Variants in EFCAB8 observed in about 807,000 individuals in gnomAD.
EFCAB8 encodes the protein EF-hand calcium binding domain 8.
A neutral mutation model predicts 116.3 loss-of-function variants in EFCAB8; 100 were observed. The observed-to-expected ratio is 0.86, with a 90% confidence interval of 0.73 to 1.02. EFCAB8 has a LOEUF of 1.02. EFCAB8 is among the 50% of genes least tolerant of loss of function. The pLI is 0.00. For missense variants in EFCAB8, 1,320 were observed against 1,416.9 expected (o/e 0.93, Z 1.10); for synonymous variants, 558 against 567.9 (o/e 0.98, Z 0.25).
At position 32,878,733 on chromosome 20, in the gene EFCAB8, G is replaced by A; in HGVS notation, c.357G>A (p.Glu119=). Reference sequence around the variant, plus strand: ...AGTATGTGGATTACATGATGCGTGAGTTCCAGGGAAAAGAGGACATGCGAA... The same window carrying A: ...AGTATGTGGATTACATGATGCGTGAATTCCAGGGAAAAGAGGACATGCGAA... ...WQKYVDYMMR[E]FQGKEDMRKS... is the part of the protein sequence containing the mutation. The change falls in exon 5 of 27, where the codon GAG becomes GAA. Residue 119 remains glutamate (E), a synonymous_variant. Transcript: ENST00000400522. 1 of 1,551,944 alleles carries A rather than the reference G, an allele frequency of 6.4e-7. No individual in the cohort carries two copies. The highest frequency in any genetic ancestry group is 1.2e-5 in the South Asian group (1 of 84,066).
At chr20:32,960,265 T>A in intron 26 of EFCAB8, 104 bp downstream of exon 26, 1 of 1,052,974 alleles carries the variant, frequency 9.5e-7, no homozygotes, top group Non-Finnish European at 1.4e-6. Context: ...TCAGTGAGGG[T>A]GGACAGGAGC....
intron 3 of EFCAB8, among the ~76,000 whole-genome samples, chr20:32,873,810 C>CAAA (rs397865341): frequency 5.8e-5 from 8 of 138,680 alleles, no homozygotes; most frequent in East Asian, 2.3e-4. Flanking sequence ...AGACTCTGTC[C>CAAA]AAAAAAAAAA....
At chr20:32,948,434 T>C (rs1188139338) in intron 23 of EFCAB8, among the ~76,000 whole-genome samples, 1 of 151,686 alleles carries the variant, frequency 6.6e-6, no homozygotes, top group South Asian at 2.1e-4. Flanking sequence ...ACAGAAACTC[T>C]TCCAGAAAGT....
intron 20 of EFCAB8, among the ~76,000 whole-genome samples, chr20:32,926,680 T>G: frequency 8.1e-6 from 1 of 123,586 alleles, no homozygotes; most frequent in African/African-American, 3.1e-5. Context: ...CCCACAACAG[T>G]CCCCAGAGTG....
In EFCAB8 at chr20:32,875,928, C is replaced by G. The variant is rs564179694; in HGVS notation, c.211C>G (p.Leu71Val). ...TGCTCTCTGTTCTCTCTTTGAAGCC[C>G]TGGGCATGGACGCCTTCATCAAGGC... Reference protein sequence around the residue: ...FEEDINSTGALGMDAFIKAMK... With the variant: ...FEEDINSTGAVGMDAFIKAMK... The change falls in exon 4 of 27, where the codon CTG becomes GTG. Residue 71 changes from leucine to valine, a missense_variant and splice_region_variant. By Grantham distance (32) the Leu-to-Val change is conservative (BLOSUM62 1). Coordinates refer to ENST00000400522, the MANE Select transcript of EFCAB8 (RefSeq NM_001143967.2). The G allele has an allele frequency of 2.5e-5, 39 of 1,551,688 alleles. No individual in the cohort carries two copies. The highest frequency in any genetic ancestry group is 3.3e-5 in the Non-Finnish European group (38 of 1,146,906).
At chr20:32,908,731 C>T (rs982795739) in intron 14 of EFCAB8, among the ~76,000 whole-genome samples, 8 of 152,222 alleles carry the variant, frequency 5.3e-5, no homozygotes, top group African/African-American at 1.9e-4. Context: ...TTTTCTTGGC[C>T]CCGTTCCTTG....
Position 32,920,160 on chromosome 20 carries a change from G to A in EFCAB8, c.2357G>A (p.Arg786Lys), listed in dbSNP as rs1987381025. The change falls in exon 20 of 27, where the codon AGA becomes AAA. Residue 786 changes from arginine to lysine, a missense_variant. Coordinates refer to ENST00000400522, the MANE Select transcript of EFCAB8 (RefSeq NM_001143967.2). Reference protein sequence around the residue: ...KQSIYKEDETRKGEWQKNMLV... With the variant: ...KQSIYKEDETKKGEWQKNMLV... ...TCCATTTACAAAGAGGATGAAACGA[G>A]AAAAGGAGAATGGCAGAAGAATATG... is the stretch of plus-strand genomic sequence containing the variant. 2 of 1,551,744 alleles carry A rather than the reference G, an allele frequency of 1.3e-6. No homozygotes were observed. Among genetic ancestry groups the A allele is most frequent in the African/African-American group, 1.4e-5 (1 of 73,174 alleles).
chr20:32,932,435 A>G (rs949106518), intron 22 of EFCAB8, among the ~76,000 whole-genome samples: 1 of 152,214 alleles, frequency 6.6e-6, no homozygotes, highest in East Asian at 1.9e-4. Flanking sequence ...TATATCATAC[A>G]TCAATGAAAG....
chr20:32,867,709 T>C lies in EFCAB8; in HGVS notation c.170T>C (p.Ile57Thr), dbSNP rs368902836. 229 of 1,551,646 alleles carry C rather than the reference T, an allele frequency of 1.5e-4. No individual in the cohort carries two copies. The African/African-American group carries it at 2.6e-3, about 18-fold the overall frequency. ...QLFTEIHLAK[I>T]EKMFEEDINS... Reference sequence around the variant, plus strand: ...TTTACTGAGATACACCTGGCCAAGATAGAGAAAATGTTTGAGGAGGACATC... The same window carrying C: ...TTTACTGAGATACACCTGGCCAAGACAGAGAAAATGTTTGAGGAGGACATC... The change falls in exon 3 of 27, where the codon ATA (isoleucine) becomes ACA (threonine). Residue 57 changes from isoleucine (I) to threonine (T), a missense_variant. Transcript: ENST00000400522.
intron 5 of EFCAB8, among the ~76,000 whole-genome samples, chr20:32,885,079 A>C (rs1185387472): frequency 1.3e-5 from 2 of 152,188 alleles, no homozygotes; most frequent in Non-Finnish European, 2.9e-5. Flanking sequence ...GCACTAGAGC[A>C]GTTGCTAGAA....
intron 1 of EFCAB8, among the ~76,000 whole-genome samples, chr20:32,860,339 A>C (rs183453146): frequency 5.9e-5 from 9 of 152,098 alleles, no homozygotes; most frequent in Admixed American, 3.9e-4. Context: ...TATTTTGTAG[A>C]ATATCCTGTA....
chr20:32,957,795 A>G (rs1474682319), intron 23 of EFCAB8, among the ~76,000 whole-genome samples: 2 of 151,562 alleles, frequency 1.3e-5, no homozygotes, highest in Non-Finnish European at 1.5e-5. Flanking sequence ...ACAAGAAAGC[A>G]GCTCCCACTC....
At chr20:32,944,280 T>C (rs1325894933) in intron 23 of EFCAB8, among the ~76,000 whole-genome samples, 1 of 152,006 alleles carries the variant, frequency 6.6e-6, no homozygotes, top group Non-Finnish European at 1.5e-5. Context: ...TTTGTTTGTT[T>C]GTTTTAGTGA....
intron 18 of EFCAB8, among the ~76,000 whole-genome samples, 197 bp from the exon 19 acceptor site, chr20:32,918,165 G>C (rs555820047): frequency 1.1e-4 from 16 of 152,380 alleles, no homozygotes; most frequent in African/African-American, 3.8e-4. Flanking sequence ...TGTCCTGCCT[G>C]TGGGTACTCA....
chr20:32,873,991 G>C (rs926849196), intron 3 of EFCAB8, among the ~76,000 whole-genome samples: 1 of 151,808 alleles, frequency 6.6e-6, no homozygotes, highest in African/African-American at 2.4e-5. Context: ...TGAAATCTCT[G>C]CTCACTGCAA....
Position 32,896,520 on chromosome 20 carries a change from G to A in EFCAB8, c.950G>A (p.Arg317Gln), listed in dbSNP as rs371521530. The A allele has an allele frequency of 2.8e-4, 201 of 718,874 alleles. 1 individual carries two copies. The highest frequency in any genetic ancestry group is 4.6e-4 in the South Asian group (31 of 67,580). The allele number at this position is 718,874 out of a possible 1,614,324, so 44.5% of individuals were successfully genotyped here. A position where few individuals can be genotyped will look rare whatever the true frequency, so the allele number is the denominator to read the frequency against. ...NEKSALHRSY[R>Q]LKALHPNWCE... ...AAGTCTGCTTTGCATAGAAGCTACCGGCTGAAGGTGAGTTTTTTCTTTCCT... is the reference window on the plus strand; with the variant it reads ...AAGTCTGCTTTGCATAGAAGCTACCAGCTGAAGGTGAGTTTTTTCTTTCCT... Residue 317 changes from arginine (R) to glutamine (Q), a missense_variant, in exon 10 of 27, where the codon CGG (arginine) becomes CAG (glutamine). By Grantham distance (43) the Arg-to-Gln change is conservative. Coordinates refer to ENST00000400522, the MANE Select transcript of EFCAB8 (RefSeq NM_001143967.2).
intron 5 of EFCAB8, among the ~76,000 whole-genome samples, chr20:32,884,235 A>G (rs925228421): frequency 6.6e-6 from 1 of 152,194 alleles, no homozygotes; most frequent in Non-Finnish European, 1.5e-5. Context: ...ACATTGGCTT[A>G]CCTTTACTGA....
intron 11 of EFCAB8, among the ~76,000 whole-genome samples, chr20:32,900,808 T>A (rs1986388484): frequency 6.6e-6 from 1 of 152,200 alleles, no homozygotes. Flanking sequence ...AACCTTGTGA[T>A]CCACCCACCT....
At chr20:32,947,839 G>A (rs1239107213) in intron 23 of EFCAB8, among the ~76,000 whole-genome samples, 1 of 151,104 alleles carries the variant, frequency 6.6e-6, no homozygotes, top group East Asian at 1.9e-4. Flanking sequence ...AGGCAGGTGG[G>A]AGGATCATTT....
Sources: gnomAD v4.1 joint callset for allele counts (sites outside exome capture counted in the v4.1 genomes callset) on GRCh38, gnomAD v4.1.1 for gene constraint, MANE v1.5 for transcripts, NCBI Gene and HGNC (gene_info 2026-07-23, HGNC 2026-07-21) for gene names.